The following TMTC1 variants were observed in gnomAD, a reference collection of about 807,000 sequenced individuals.
TMTC1 encodes the protein protein O-mannosyl-transferase TMTC1.
TMTC1 carries 73 observed loss-of-function variants against 104.8 expected under a neutral mutation model. That is an observed-to-expected ratio of 0.70 (90% confidence interval 0.58 to 0.85). TMTC1 has a LOEUF of 0.85. TMTC1 is among the 40% of genes least tolerant of loss of function. The pLI is 0.00. For synonymous variants in TMTC1, 434 were observed against 428.7 expected, an observed-to-expected ratio of 1.01 and a Z score of -0.15; for missense variants, 1,035 against 1,096.1, an observed-to-expected ratio of 0.94 and a Z score of 0.79.
At chr12:29,562,000 A>G (rs1383369515) in intron 9 of TMTC1, among the ~76,000 whole-genome samples, 2 of 152,218 alleles carry the variant, frequency 1.3e-5, no homozygotes, top group African/African-American at 4.8e-5. Flanking sequence ...AAAAATATAC[A>G]AAATAAACTT....
intron 5 of TMTC1, among the ~76,000 whole-genome samples, chr12:29,712,433 T>C (rs2136845346): frequency 1.3e-5 from 2 of 152,260 alleles, no homozygotes; most frequent in Middle Eastern, 6.8e-3. Context: ...AAAATATTAC[T>C]GAGAAAAGAA....
rs909964115 is a variant in TMTC1, at chr12:29,633,267, A to G, written c.1008T>C (p.Tyr336=). 2 of 1,613,948 alleles carry G rather than the reference A, an allele frequency of 1.2e-6. No individual in the cohort carries two copies. Among genetic ancestry groups the G allele is most frequent in the East Asian group, 2.2e-5 (1 of 44,878 alleles). ...WLLLAPVTLC[Y]DWQVGSIPLV... is the part of the protein sequence containing the mutation. ...GAGGAATACTGCCGACCTGCCAGTC[A>G]TAGCACAGGGTCACGGGTGCAAGCA... The change falls in exon 6 of 18, where the codon TAT becomes TAC. Residue 336 remains tyrosine, a synonymous_variant. Transcript: ENST00000539277.
intron 4 of TMTC1, among the ~76,000 whole-genome samples, chr12:29,753,549 G>A (rs900791227): frequency 1.3e-5 from 2 of 152,234 alleles, no homozygotes; most frequent in African/African-American, 4.8e-5. Flanking sequence ...GATAAAGATT[G>A]TTGCAAGCAA....
chr12:29,664,503 T>G (rs1319439854), intron 5 of TMTC1, among the ~76,000 whole-genome samples: 1 of 152,064 alleles, frequency 6.6e-6, no homozygotes, highest in Non-Finnish European at 1.5e-5. Flanking sequence ...ATAAACAAAC[T>G]TTCCCCATCA....
At position 29,618,027 on chromosome 12, in the gene TMTC1, T is replaced by C. The variant is rs183192459; in HGVS notation, c.1129-13728A>G. On this transcript the variant is annotated intron_variant, in intron 6 of 17. Transcript: ENST00000539277. The stretch of plus-strand genomic sequence containing the variant: ...AGCAGGGAGATCGGTTAGAAGGCTA[T>C]GGCAATAATCCAAATGAGAGATGAC... Among the ~76,000 whole-genome samples the C allele has an allele frequency of 2.6e-5, 4 of 152,288 alleles. 1 individual carries two copies. In the South Asian group the frequency reaches 8.3e-4, roughly 32 times the overall value.
intron 5 of TMTC1, chr12:29,640,911 G>A (rs1938813630): frequency 6.6e-6 from 1 of 152,236 alleles, no homozygotes; most frequent in Admixed American, 6.5e-5. Context: ...GGGCATGGTG[G>A]GAGTGAGACC....
At position 29,755,750 on chromosome 12, in the gene TMTC1, C is replaced by T. The variant is rs1293023871; in HGVS notation, c.690G>A (p.Leu230=). 1.2e-6 allele frequency: 2 copies of T among 1,613,946 alleles called. No individual in the cohort carries two copies. Among genetic ancestry groups the T allele is most frequent in the Non-Finnish European group, 1.7e-6 (2 of 1,180,010 alleles). The change falls in exon 4 of 18, where the codon TTG becomes TTA. Residue 230 remains leucine, a synonymous_variant. Coordinates refer to ENST00000539277, the MANE Select transcript of TMTC1 (RefSeq NM_001193451.2). ...TGGAAAGGGAAAAGAGGTCATAAAC[C>T]AAGCACACTCCAAACACCGTGATGC... ...ETGITVFGVC[L]VYDLFSLSNK...
At chr12:29,545,861 C>T (rs1384608900) in intron 10 of TMTC1, among the ~76,000 whole-genome samples, 1 of 152,126 alleles carries the variant, frequency 6.6e-6, no homozygotes. Context: ...CTTATTTCAT[C>T]TTCATTGGGT....
At chr12:29,520,560 G>A in intron 12 of TMTC1, 58 bp downstream of exon 12, 1 of 1,419,568 alleles carries the variant, frequency 7.0e-7, no homozygotes, top group Non-Finnish European at 9.8e-7. Context: ...CTTCCATTTT[G>A]CTTGATAAAT....
At chr12:29,514,382 C>T (rs1943924451) in intron 16 of TMTC1, 100 bp downstream of exon 16, 1 of 1,251,836 alleles carries the variant, frequency 8.0e-7, no homozygotes, top group Non-Finnish European at 1.1e-6. Context: ...ACATACATGC[C>T]AGTGATCTTA....
At chr12:29,729,922 G>A (rs1942501146) in intron 5 of TMTC1, among the ~76,000 whole-genome samples, 2 of 152,064 alleles carry the variant, frequency 1.3e-5, no homozygotes, top group East Asian at 3.9e-4. Flanking sequence ...CCTTCTAAAG[G>A]GATAAATATA....
chr12:29,758,904 C>T, intron 2 of TMTC1, 127 bp from the exon 3 acceptor site: 1 of 813,212 alleles, frequency 1.2e-6, no homozygotes. Context: ...AGAAATCTCA[C>T]TGTTCTTCAA....
At chr12:29,735,573 A>G (rs958885457) in intron 5 of TMTC1, among the ~76,000 whole-genome samples, 2 of 152,224 alleles carry the variant, frequency 1.3e-5, no homozygotes, top group Non-Finnish European at 2.9e-5. Flanking sequence ...TAAAACTATT[A>G]CCTCATTATG....
chr12:29,659,890 T>G (rs918181542), intron 5 of TMTC1: 1 of 1,535,104 alleles, frequency 6.5e-7, no homozygotes, highest in East Asian at 2.4e-5. Context: ...CTCGTAAGAA[T>G]GTAAGGCGAA....
At chr12:29,747,230 T>C (rs1942976337) in intron 5 of TMTC1, among the ~76,000 whole-genome samples, 1 of 152,208 alleles carries the variant, frequency 6.6e-6, no homozygotes. Flanking sequence ...GGGAAAGTGT[T>C]TCCCTGTGTG....
intron 5 of TMTC1, among the ~76,000 whole-genome samples, chr12:29,642,766 A>T (rs1478915395): frequency 6.6e-6 from 1 of 152,142 alleles, no homozygotes; most frequent in Non-Finnish European, 1.5e-5. Context: ...TCCACTAAAA[A>T]TATGAAAAAT....
chr12:29,572,481 C>T (rs1156909588), intron 8 of TMTC1, among the ~76,000 whole-genome samples: 1 of 152,182 alleles, frequency 6.6e-6, no homozygotes, highest in Non-Finnish European at 1.5e-5. Flanking sequence ...ATGCCCTTAG[C>T]ATATAAACAT....
In TMTC1 at chr12:29,691,993, T is replaced by A. The variant is rs1356704102; in HGVS notation, c.939-58657A>T. 1.4e-5 allele frequency among the ~76,000 whole-genome samples: 2 copies of A among 144,956 alleles called. 1 individual carries two copies. Among genetic ancestry groups the A allele is most frequent in the East Asian group, 4.6e-4 (2 of 4,354 alleles). On this transcript the variant is annotated intron_variant, in intron 5 of 17. Coordinates refer to ENST00000539277, the MANE Select transcript of TMTC1 (RefSeq NM_001193451.2). ...GTTCTCTTTGTAGAGACTAGACAAG[T>A]GTAATTAATAATAAAAGCACTCTCA...
intron 11 of TMTC1, among the ~76,000 whole-genome samples, chr12:29,522,264 TG>T (rs1261593898): frequency 6.6e-6 from 1 of 152,186 alleles, no homozygotes; most frequent in African/African-American, 2.4e-5. Flanking sequence ...AGCCCAAATC[TG>T]ATTTGACCCA....
Sources: gnomAD v4.1 joint callset for allele counts (sites outside exome capture counted in the v4.1 genomes callset) on GRCh38, gnomAD v4.1.1 for gene constraint, MANE v1.5 for transcripts, NCBI Gene and HGNC (gene_info 2026-07-23, HGNC 2026-07-21) for gene names.